The following CEP63 variants were observed in gnomAD, a reference collection of about 807,000 sequenced individuals.
CEP63 encodes the protein centrosomal protein of 63 kDa.
A neutral mutation model predicts 89.1 loss-of-function variants in CEP63; 84 were observed. The observed-to-expected ratio is 0.94, with a 90% confidence interval of 0.79 to 1.13. CEP63 has a LOEUF of 1.13. Among genes scored for constraint, CEP63 ranks in the 50% most tolerant of loss-of-function variants. The pLI, the probability that CEP63 is intolerant of heterozygous loss-of-function variation, is 0.00. For synonymous variants in CEP63, 267 were observed against 272.5 expected, an observed-to-expected ratio of 0.98 and a Z score of 0.20; for missense variants, 838 against 813.3, an observed-to-expected ratio of 1.03 and a Z score of -0.37.
the CEP63 span, among the ~76,000 whole-genome samples, chr3:134,673,556 A>G: frequency 6.6e-6 from 1 of 152,178 alleles, no homozygotes; most frequent in Non-Finnish European, 1.5e-5. Flanking sequence ...AGCCTGGAGA[A>G]CAGAACATGG....
At chr3:134,568,358 C>T (rs1344615978), downstream of CEP63, among the ~76,000 whole-genome samples, 3 of 152,182 alleles carry the variant, frequency 2.0e-5, no homozygotes, top group East Asian at 1.9e-4. Flanking sequence ...CAAACAAGAC[C>T]GGAAGTGTTA....
chr3:134,585,288 A>G (rs1397972007), intron 10 of CEP63, among the ~76,000 whole-genome samples: 1 of 151,830 alleles, frequency 6.6e-6, no homozygotes, highest in Non-Finnish European at 1.5e-5. Context: ...TTAGGGTGTC[A>G]ATTTTAGATC....
intron 2 of CEP63, 33 bp downstream of exon 2, chr3:134,495,397 G>A (rs1939454834): frequency 2.2e-6 from 3 of 1,370,182 alleles, no homozygotes; most frequent in Non-Finnish European, 2.1e-6. Context: ...TAATTTTTTT[G>A]GTTAATACAT....
At chr3:134,519,468 A>C (rs1946978629) in intron 3 of CEP63, among the ~76,000 whole-genome samples, 1 of 152,192 alleles carries the variant, frequency 6.6e-6, no homozygotes, top group South Asian at 2.1e-4. Flanking sequence ...CTGCTCATAG[A>C]TAAATCTCTT....
the CEP63 span, among the ~76,000 whole-genome samples, chr3:134,695,256 C>G: frequency 2.6e-5 from 4 of 152,120 alleles, no homozygotes; most frequent in African/African-American, 7.2e-5. Context: ...GACCTGTCAT[C>G]CAAGAAGAAT....
chr3:134,637,218 A>G, the CEP63 span, among the ~76,000 whole-genome samples: 1 of 152,246 alleles, frequency 6.6e-6, no homozygotes, highest in Non-Finnish European at 1.5e-5. Context: ...AGCATTTCAG[A>G]GTTCAAGGCA....
rs773389461 is a variant in CEP63 at position 134,564,269 on chromosome 3, C to T, written c.*2734C>T. The T allele has an allele frequency of 1.0e-6, 1 of 985,422 alleles. No individual in the cohort carries two copies. The highest frequency in any genetic ancestry group is 5.2e-4 in the Middle Eastern group (1 of 1,914). The allele number at this position is 985,422 out of a possible 1,614,324, so 61.0% of individuals were successfully genotyped here. A position where few individuals can be genotyped will look rare whatever the true frequency, so the allele number is the denominator to read the frequency against. ...TGGAAAATGCCATTCCTGAGGTGCA[C>T]CACATCGTTTCTTTTGTGTTGGTGT... On this transcript the variant is annotated 3_prime_UTR_variant, in exon 15 of 15. Coordinates refer to ENST00000675561, the MANE Select transcript of CEP63 (RefSeq NM_001353108.3).
chr3:134,594,049 A>G, the CEP63 span, among the ~76,000 whole-genome samples: 3 of 152,268 alleles, frequency 2.0e-5, no homozygotes, highest in Non-Finnish European at 1.5e-5. Context: ...TTTAAATAGA[A>G]TAAAATGGTG....
chr3:134,780,232 G>T, the CEP63 span, among the ~76,000 whole-genome samples: 1 of 151,984 alleles, frequency 6.6e-6, no homozygotes, highest in Non-Finnish European at 1.5e-5. Context: ...TGAATCTTTT[G>T]CCCCCTTTTT....
At chr3:134,646,775 G>C in the CEP63 span, among the ~76,000 whole-genome samples, 1 of 152,164 alleles carries the variant, frequency 6.6e-6, no homozygotes, top group Non-Finnish European at 1.5e-5. Flanking sequence ...GGCTCTGGGA[G>C]TAGAGGTTTG....
chr3:134,542,175 G>A (rs1952180730), intron 6 of CEP63, among the ~76,000 whole-genome samples: 1 of 152,152 alleles, frequency 6.6e-6, no homozygotes, highest in Non-Finnish European at 1.5e-5. Flanking sequence ...ACTTAGATGA[G>A]CTGTAAAATA....
the CEP63 span, among the ~76,000 whole-genome samples, chr3:134,704,989 T>A: frequency 2.0e-5 from 3 of 152,086 alleles, no homozygotes; most frequent in African/African-American, 7.3e-5. Context: ...CCAAATAGCA[T>A]CCCCAGAGTC....
chr3:134,558,424 C>CTTA, intron 13 of CEP63, 77 bp downstream of exon 13: 5 of 1,040,450 alleles, frequency 4.8e-6, no homozygotes, highest in Middle Eastern at 3.0e-4. Context: ...TAATTTTTGA[C>CTTA]TTACAGAAAT....
the CEP63 span, among the ~76,000 whole-genome samples, chr3:134,671,719 A>G: frequency 1.3e-5 from 2 of 152,240 alleles, no homozygotes; most frequent in African/African-American, 4.8e-5. Context: ...TGCTGGGTAC[A>G]GTGAACAAAT....
intron 10 of CEP63, among the ~76,000 whole-genome samples, chr3:134,581,651 G>T (rs1397377967): frequency 1.3e-5 from 2 of 150,542 alleles, no homozygotes; most frequent in African/African-American, 4.9e-5. Context: ...GCATTTGACA[G>T]AACTCAATAC....
chr3:134,629,630 A>C, the CEP63 span: 1 of 1,600,052 alleles, frequency 6.2e-7, no homozygotes, highest in Non-Finnish European at 8.5e-7. Context: ...CGTTTAGCCA[A>C]GGAGAACTTC....
At chr3:134,676,873 C>A in the CEP63 span, among the ~76,000 whole-genome samples, 1 of 152,226 alleles carries the variant, frequency 6.6e-6, no homozygotes, top group Non-Finnish European at 1.5e-5. Flanking sequence ...TTCCTCTGGG[C>A]AACGCTGTTT....
chr3:134,614,902 C>T, the CEP63 span, among the ~76,000 whole-genome samples: 2 of 152,136 alleles, frequency 1.3e-5, no homozygotes, highest in African/African-American at 4.8e-5. Flanking sequence ...ATCACCTCTC[C>T]TAGGATGTGT....
the CEP63 span, chr3:134,629,329 A>G: frequency 2.6e-6 from 1 of 391,108 alleles, no homozygotes; most frequent in South Asian, 4.8e-5. Context: ...TCTGGCAGTA[A>G]ACAAATGGTA....
Sources: gnomAD v4.1 joint callset for allele counts (sites outside exome capture counted in the v4.1 genomes callset) on GRCh38, gnomAD v4.1.1 for gene constraint, MANE v1.5 for transcripts, NCBI Gene and HGNC (gene_info 2026-07-23, HGNC 2026-07-21) for gene names.